Variants in FRMD6 observed in about 807,000 individuals in gnomAD.
FRMD6 encodes FERM domain containing 6, also known as FERM domain-containing protein 6.
In FRMD6, 37 loss-of-function variants were observed where a neutral mutation model predicts 73.2. The ratio of observed to expected loss-of-function variants is 0.51; its 90% CI spans 0.39 to 0.66. FRMD6 has a LOEUF of 0.66. Ranked by LOEUF, FRMD6 falls within the 30% of genes least tolerant of loss-of-function variation. The pLI is 0.00. For synonymous variants in FRMD6, 273 were observed against 282.2 expected (o/e 0.97, Z 0.33); for missense variants, 714 against 780.5 (o/e 0.91, Z 1.02).
At chr14:51,399,929 ATGT>A in the FRMD6 span, among the ~76,000 whole-genome samples, 140 of 152,000 alleles carry the variant, frequency 9.2e-4, 1 homozygote, top group African/African-American at 3.1e-3. Flanking sequence ...TGTGCAGAGA[ATGT>A]TGTTTTTTTT....
At chr14:51,414,745 C>T in the FRMD6 span, among the ~76,000 whole-genome samples, 2 of 152,142 alleles carry the variant, frequency 1.3e-5, no homozygotes, top group East Asian at 1.9e-4. Flanking sequence ...TTACCTTGGG[C>T]ATTATGGCCA....
At chr14:51,681,453 T>C (rs1045321480) in intron 1 of FRMD6, among the ~76,000 whole-genome samples, 18 of 152,196 alleles carry the variant, frequency 1.2e-4, no homozygotes, top group African/African-American at 4.3e-4. Context: ...GTAACCCGTT[T>C]AATAAACTTC....
At chr14:51,425,713 G>A in the FRMD6 span, among the ~76,000 whole-genome samples, 1 of 152,164 alleles carries the variant, frequency 6.6e-6, no homozygotes, top group Non-Finnish European at 1.5e-5. Flanking sequence ...AATGTTGCCT[G>A]CACAGATAAC....
At chr14:51,712,275 G>A (rs1896985938) in intron 8 of FRMD6, among the ~76,000 whole-genome samples, 2 of 152,170 alleles carry the variant, frequency 1.3e-5, no homozygotes, top group South Asian at 2.1e-4. Context: ...TGCCTTAAAA[G>A]GGTTAGTTAA....
At chr14:51,524,936 T>G (rs1885147431) in intron 1 of FRMD6, among the ~76,000 whole-genome samples, 1 of 150,640 alleles carries the variant, frequency 6.6e-6, no homozygotes, top group Non-Finnish European at 1.5e-5. Context: ...TAATTTAACT[T>G]TGTGCAGAAA....
intron 2 of FRMD6, among the ~76,000 whole-genome samples, chr14:51,603,388 C>T (rs2139818069): frequency 6.6e-6 from 1 of 152,184 alleles, no homozygotes; most frequent in African/African-American, 2.4e-5. Flanking sequence ...CATCAAAAAG[C>T]CATACCAACT....
chr14:51,403,344 C>CATTTGTA, the FRMD6 span, among the ~76,000 whole-genome samples: 1 of 152,078 alleles, frequency 6.6e-6, no homozygotes, highest in Admixed American at 6.6e-5. Flanking sequence ...TTTAGTTTTA[C>CATTTGTA]CTGTATTTGA....
chr14:51,725,968 C>T, intron 13 of FRMD6, 98 bp downstream of exon 13: 1 of 780,140 alleles, frequency 1.3e-6, no homozygotes, highest in South Asian at 1.6e-5. Flanking sequence ...AATTAAAAAC[C>T]CTAAGGAAAT....
chr14:51,567,569 G>A (rs1158817160), intron 1 of FRMD6, among the ~76,000 whole-genome samples: 1 of 152,146 alleles, frequency 6.6e-6, no homozygotes, highest in African/African-American at 2.4e-5. Flanking sequence ...CAAACTCCAG[G>A]CCTCAAGCAA....
chr14:51,477,686 T>G, the FRMD6 span, among the ~76,000 whole-genome samples: 1 of 152,030 alleles, frequency 6.6e-6, no homozygotes, highest in Non-Finnish European at 1.5e-5. Flanking sequence ...TTCTCCATAA[T>G]GAGCTAGTGT....
At chr14:51,517,720 T>G (rs1229282286) in intron 1 of FRMD6, among the ~76,000 whole-genome samples, 1 of 152,110 alleles carries the variant, frequency 6.6e-6, no homozygotes, top group Non-Finnish European at 1.5e-5. Flanking sequence ...GAAATGTAAT[T>G]CTTCTACAAG....
At chr14:51,634,652 C>T (rs1891476462) in intron 2 of FRMD6, among the ~76,000 whole-genome samples, 1 of 151,922 alleles carries the variant, frequency 6.6e-6, no homozygotes, top group Non-Finnish European at 1.5e-5. Context: ...TAAATGTTAG[C>T]TTTTGACATT....
intron 2 of FRMD6, among the ~76,000 whole-genome samples, chr14:51,590,975 A>T (rs1889351637): frequency 6.6e-6 from 1 of 152,206 alleles, no homozygotes; most frequent in African/African-American, 2.4e-5. Context: ...CCTGGATTCT[A>T]ATATCTTCCT....
chr14:51,656,369 T>G lies in FRMD6; in HGVS notation c.-147+4373T>G, dbSNP rs114468863. On this transcript the variant is annotated intron_variant, in intron 1 of 13. Coordinates refer to ENST00000344768, the MANE Select transcript of FRMD6 (RefSeq NM_001267046.2). ...ATACAGTCGCAAGGAGAAGGCAGTG[T>G]TTTCCTGGAGCTTCCTTGGAGTGGT... is the stretch of plus-strand genomic sequence containing the variant. Among the ~76,000 whole-genome samples, 422 of 152,192 alleles carry G rather than the reference T, an allele frequency of 2.8e-3. 1 individual carries two copies. The highest frequency in any genetic ancestry group is 9.4e-3 in the African/African-American group (392 of 41,520).
At chr14:51,653,070 C>T (rs988845643) in intron 1 of FRMD6, among the ~76,000 whole-genome samples, 3 of 152,106 alleles carry the variant, frequency 2.0e-5, no homozygotes, top group African/African-American at 7.2e-5. Context: ...CCAGTATTTC[C>T]CTCAGGAGCT....
intron 2 of FRMD6, among the ~76,000 whole-genome samples, chr14:51,580,167 A>T (rs531972192): frequency 2.0e-5 from 3 of 151,998 alleles, no homozygotes; most frequent in African/African-American, 7.2e-5. Context: ...TGATCTGTCA[A>T]CCCATAGGTG....
At chr14:51,627,634 A>G (rs772234399) in intron 2 of FRMD6, among the ~76,000 whole-genome samples, 128 of 152,164 alleles carry the variant, frequency 8.4e-4, no homozygotes, top group Non-Finnish European at 1.5e-3. Flanking sequence ...AAACAAAGCA[A>G]GCACACTCCA....
At chr14:51,667,468 C>T (rs567343308) in intron 1 of FRMD6, among the ~76,000 whole-genome samples, 2 of 152,056 alleles carry the variant, frequency 1.3e-5, no homozygotes, top group African/African-American at 4.8e-5. Flanking sequence ...TATGTTTTAT[C>T]GCAACAATCA....
At chr14:51,447,023 G>T in the FRMD6 span, among the ~76,000 whole-genome samples, 6 of 152,192 alleles carry the variant, frequency 3.9e-5, no homozygotes, top group Non-Finnish European at 4.4e-5. Flanking sequence ...TGACCTCAAA[G>T]ATTCTTGGAG....
Sources: gnomAD v4.1 joint callset for allele counts (sites outside exome capture counted in the v4.1 genomes callset) on GRCh38, gnomAD v4.1.1 for gene constraint, MANE v1.5 for transcripts, NCBI Gene and HGNC (gene_info 2026-07-23, HGNC 2026-07-21) for gene names.